Variants in SNCAIP observed in about 807,000 individuals in gnomAD.
The protein encoded by SNCAIP is synphilin-1.
SNCAIP carries 43 observed loss-of-function variants against 86.7 expected under a neutral mutation model. That is an observed-to-expected ratio of 0.50 (90% CI 0.39 to 0.64). The LOEUF is 0.64. SNCAIP is among the 30% of genes least tolerant of loss of function. The pLI is 0.00. For missense variants in SNCAIP, 981 were observed against 1,103.1 expected, an observed-to-expected ratio of 0.89 and a Z score of 1.57; for synonymous variants, 417 against 427.2, an observed-to-expected ratio of 0.98 and a Z score of 0.29.
intron 10 of SNCAIP, chr5:122,452,997 T>G: frequency 6.5e-7 from 1 of 1,535,688 alleles, no homozygotes; most frequent in Non-Finnish European, 8.8e-7. Context: ...CGACACACGG[T>G]ACGTGGTGCT....
At position 122,411,084 on chromosome 5, in the gene SNCAIP, C is replaced by A. The variant is rs180770498; in HGVS notation, c.130+7219C>A. 6.2e-4 allele frequency among the ~76,000 whole-genome samples: 94 copies of A among 152,222 alleles called. 1 individual carries two copies. In the Middle Eastern group the frequency reaches 0.027, roughly 44 times the overall value. On this transcript the variant is annotated intron_variant, in intron 3 of 10. Coordinates refer to ENST00000261368, the MANE Select transcript of SNCAIP (RefSeq NM_005460.4). Reference sequence around the variant, plus strand: ...TGTGTTTTGGTTTATTTTTACTGGACTCAAAGAAACATATCTTCCACTCCC... The same window carrying A: ...TGTGTTTTGGTTTATTTTTACTGGAATCAAAGAAACATATCTTCCACTCCC...
At chr5:122,341,917 T>C (rs1175512949) in intron 1 of SNCAIP, among the ~76,000 whole-genome samples, 2 of 152,188 alleles carry the variant, frequency 1.3e-5, no homozygotes, top group Non-Finnish European at 2.9e-5. Flanking sequence ...TTCTTGATTA[T>C]GTCATGGAAT....
Position 122,463,736 on chromosome 5 carries a change from T to C in SNCAIP, c.*240T>C. 2.0e-6 allele frequency: 1 copy of C among 508,910 alleles called. No homozygotes were observed. Among genetic ancestry groups the C allele is most frequent in the Non-Finnish European group, 3.5e-6 (1 of 288,130 alleles). 31.5% of individuals were successfully genotyped at this position (508,910 alleles called of 1,614,324 possible). On this transcript the variant is annotated 3_prime_UTR_variant, in exon 11 of 11. Coordinates refer to ENST00000261368, the MANE Select transcript of SNCAIP (RefSeq NM_005460.4). ...ATAGTAGTAGACTGTAAAAGATTCA[T>C]TTTGGGGTGATATCTGTATATATAA...
chr5:122,419,872 A>G (rs1776037953), intron 3 of SNCAIP, among the ~76,000 whole-genome samples: 1 of 152,200 alleles, frequency 6.6e-6, no homozygotes, highest in Non-Finnish European at 1.5e-5. Flanking sequence ...TGAAAATCTT[A>G]CTAGTCATTA....
chr5:122,349,211 C>T (rs770502208), intron 1 of SNCAIP, among the ~76,000 whole-genome samples: 35 of 152,114 alleles, frequency 2.3e-4, no homozygotes, highest in Non-Finnish European at 4.3e-4. Flanking sequence ...TTTTGGAACG[C>T]GATGATCCTC....
intron 1 of SNCAIP, among the ~76,000 whole-genome samples, chr5:122,361,952 A>T (rs1482940757): frequency 6.6e-6 from 1 of 152,232 alleles, no homozygotes; most frequent in Non-Finnish European, 1.5e-5. Context: ...TAGGGGATAG[A>T]TTCAGTTTGG....
rs185058198 is a variant in SNCAIP, at chr5:122,337,603, A to G, written c.-47+25319A>G. On this transcript the variant is annotated intron_variant, in intron 1 of 10. Transcript: ENST00000261368. Reference sequence around the variant, plus strand: ...ACCCAGGCTGGAGTGCAGTGGTGCAATCTCAGCTCACTGCAACCTCTGCCT... The same window carrying G: ...ACCCAGGCTGGAGTGCAGTGGTGCAGTCTCAGCTCACTGCAACCTCTGCCT... 5.7e-3 allele frequency among the ~76,000 whole-genome samples: 862 copies of G among 152,176 alleles called. 10 individuals carry two copies. Among genetic ancestry groups the G allele is most frequent in the African/African-American group, 0.02 (828 of 41,520 alleles).
At chr5:122,358,203 GTATATA>G (rs1214552209) in intron 1 of SNCAIP, among the ~76,000 whole-genome samples, 14 of 130,336 alleles carry the variant, frequency 1.1e-4, no homozygotes, top group African/African-American at 4.0e-4. Context: ...GTGTGTGTGT[GTATATA>G]TATATATATA....
At chr5:122,373,192 C>G (rs1400522035) in intron 1 of SNCAIP, among the ~76,000 whole-genome samples, 1 of 152,058 alleles carries the variant, frequency 6.6e-6, no homozygotes, top group East Asian at 1.9e-4. Context: ...AATTGTATTA[C>G]AGTACTGTAA....
At chr5:122,461,039 C>A (rs139061099) in intron 10 of SNCAIP, among the ~76,000 whole-genome samples, 2 of 152,176 alleles carry the variant, frequency 1.3e-5, no homozygotes, top group African/African-American at 4.8e-5. Context: ...CATATATCTT[C>A]CCACCCAAGG....
At chr5:122,381,671 A>G (rs1466191668) in intron 1 of SNCAIP, among the ~76,000 whole-genome samples, 26 of 151,892 alleles carry the variant, frequency 1.7e-4, no homozygotes, top group South Asian at 4.2e-4. Context: ...ATTTTGCAGC[A>G]GCTGGTACCG....
intron 2 of SNCAIP, 140 bp downstream of exon 2, chr5:122,391,331 A>T: frequency 1.4e-6 from 1 of 720,364 alleles, no homozygotes; most frequent in Admixed American, 2.0e-5. Flanking sequence ...TGTGTGGCAG[A>T]CTCGGTGTGG....
chr5:122,346,240 G>C (rs73283473), intron 1 of SNCAIP, among the ~76,000 whole-genome samples: 3,291 of 152,242 alleles, frequency 0.022, 112 homozygotes, highest in African/African-American at 0.075. Context: ...CGTAGCCACA[G>C]ATCTTCCTGG....
At chr5:122,375,142 A>C (rs937276799) in intron 1 of SNCAIP, among the ~76,000 whole-genome samples, 1 of 152,198 alleles carries the variant, frequency 6.6e-6, no homozygotes, top group African/African-American at 2.4e-5. Flanking sequence ...TTGCTTAATC[A>C]TCTAAATATA....
At chr5:122,445,634 C>G (rs893265908) in intron 8 of SNCAIP, among the ~76,000 whole-genome samples, 1 of 142,146 alleles carries the variant, frequency 7.0e-6, no homozygotes, top group Non-Finnish European at 1.5e-5. Context: ...AATACTCTTA[C>G]CTTTAAGTTT....
At chr5:122,429,790 A>C (rs868331724) in intron 5 of SNCAIP, among the ~76,000 whole-genome samples, 2 of 152,310 alleles carry the variant, frequency 1.3e-5, no homozygotes, top group South Asian at 4.1e-4. Context: ...GTGTTTATTT[A>C]ACAGCCAGGA....
chr5:122,433,367 T>C (rs79140627), intron 6 of SNCAIP, among the ~76,000 whole-genome samples: 3,067 of 152,192 alleles, frequency 0.02, 94 homozygotes, highest in African/African-American at 0.069. Flanking sequence ...GTCTAATGGC[T>C]AGTAAGAGCA....
chr5:122,445,630 C>CT (rs1322838986), intron 8 of SNCAIP, among the ~76,000 whole-genome samples: 4 of 145,646 alleles, frequency 2.7e-5, no homozygotes, highest in African/African-American at 1.0e-4. Flanking sequence ...GGAAAATACT[C>CT]TTACCTTTAA....
chr5:122,453,864 A>C (rs965169572), intron 10 of SNCAIP, among the ~76,000 whole-genome samples: 2 of 150,106 alleles, frequency 1.3e-5, no homozygotes, highest in Non-Finnish European at 2.9e-5. Context: ...GGTTCAAGTG[A>C]TACTCCTGCC....
Sources: allele counts gnomAD v4.1 joint callset (sites outside exome capture counted in the v4.1 genomes callset), GRCh38; gene constraint gnomAD v4.1.1; transcripts MANE v1.5; gene names NCBI Gene and HGNC (gene_info 2026-07-23, HGNC 2026-07-21).